Variants in GFPT2 observed in about 807,000 individuals in gnomAD.
The protein encoded by GFPT2 is glutamine--fructose-6-phosphate aminotransferase [isomerizing] 2.
A neutral mutation model predicts 85.6 loss-of-function variants in GFPT2; 62 were observed. The observed-to-expected ratio is 0.72, with a 90% confidence interval of 0.59 to 0.90. The LOEUF is 0.90. Among genes scored for constraint, GFPT2 ranks in the 40% least tolerant of loss-of-function variants. The pLI is 0.00. For missense variants in GFPT2, 788 were observed against 893.4 expected (o/e 0.88, Z 1.50); for synonymous variants, 368 against 344.5 (o/e 1.07, Z -0.75).
intron 2 of GFPT2, among the ~76,000 whole-genome samples, 199 bp downstream of exon 2, chr5:180,338,294 G>A (rs888611175): frequency 2.0e-5 from 3 of 152,004 alleles, no homozygotes; most frequent in African/African-American, 7.3e-5. Flanking sequence ...GTTTTCTGGG[G>A]TTTTTTACCC....
intron 10 of GFPT2, among the ~76,000 whole-genome samples, 168 bp from the exon 11 acceptor site, chr5:180,317,226 C>T (rs1277346302): frequency 6.6e-6 from 1 of 152,180 alleles, no homozygotes; most frequent in Non-Finnish European, 1.5e-5. Context: ...GGTCAGGAAC[C>T]AGGACTATCT....
intron 15 of GFPT2, 57 bp downstream of exon 15, chr5:180,312,373 T>C: frequency 1.1e-6 from 1 of 896,258 alleles, no homozygotes; most frequent in Non-Finnish European, 1.9e-6. Flanking sequence ...CAACAGAGAA[T>C]GGCCAGCAAC....
chr5:180,334,371 C>T (rs1162943083), intron 4 of GFPT2, among the ~76,000 whole-genome samples: 3 of 152,194 alleles, frequency 2.0e-5, no homozygotes, highest in African/African-American at 4.8e-5. Context: ...AGCACCACTG[C>T]ACTTTCTGTG....
chr5:180,330,499 A>G lies in GFPT2; in HGVS notation c.534+201T>C, dbSNP rs1764282730. Among the ~76,000 whole-genome samples the G allele has an allele frequency of 6.6e-6, 1 of 152,130 alleles. No individual in the cohort carries two copies. The highest frequency in any genetic ancestry group is 2.1e-4 in the South Asian group (1 of 4,818). On this transcript the variant is annotated intron_variant, in intron 6 of 18. Coordinates refer to ENST00000253778, the MANE Select transcript of GFPT2 (RefSeq NM_005110.4). This position sits in a 1 kb window ranked among gnomAD's most constrained non-coding sequence, Gnocchi z 4.4. ...TGATGTTGACTACCCAAACCACAGA[A>G]CGTCTTCCAGTTCTACAAGAGTGTA... is the stretch of plus-strand genomic sequence containing the variant.
chr5:180,324,440 T>C, intron 8 of GFPT2, 135 bp from the exon 9 acceptor site: 1 of 621,250 alleles, frequency 1.6e-6, no homozygotes, highest in Non-Finnish European at 2.9e-6. Context: ...GTCAGCCAAA[T>C]CGTGTAAAAG....
chr5:180,312,312 G>A (rs541909222), intron 15 of GFPT2, 118 bp downstream of exon 15: 15 of 673,330 alleles, frequency 2.2e-5, no homozygotes, highest in African/African-American at 2.0e-4. Context: ...GGGGAAGCTA[G>A]GAAGTTTTAG....
At chr5:180,350,804 C>A (rs574648132) in intron 1 of GFPT2, among the ~76,000 whole-genome samples, 1 of 152,194 alleles carries the variant, frequency 6.6e-6, no homozygotes, top group South Asian at 2.1e-4. Context: ...CAACTACTGC[C>A]GAGTCCTGGC....
chr5:180,335,812 G>A lies in GFPT2; in HGVS notation c.340+16C>T. 1 of 1,601,970 alleles carries A rather than the reference G, an allele frequency of 6.2e-7. No individual in the cohort carries two copies. The highest frequency in any genetic ancestry group is 1.8e-4 in the Middle Eastern group (1 of 5,614). On this transcript the variant is annotated intron_variant, in intron 4 of 18. Transcript: ENST00000253778. ...GGTGAGGTGGAACCATGGGGACGGG[G>A]AAGCATGCCACATACCGTTGCCTTT...
intron 10 of GFPT2, among the ~76,000 whole-genome samples, chr5:180,317,496 A>T (rs1404354321): frequency 6.9e-6 from 1 of 145,206 alleles, no homozygotes; most frequent in Non-Finnish European, 1.5e-5. Context: ...GCAGTGGCTC[A>T]CGCCTGTAAT....
chr5:180,317,340 G>A (rs990881604), intron 10 of GFPT2, among the ~76,000 whole-genome samples: 2 of 152,192 alleles, frequency 1.3e-5, no homozygotes, highest in African/African-American at 2.4e-5. Context: ...TGCTCCCTTA[G>A]CAAGGCCAAA....
At chr5:180,331,064 G>A in intron 5 of GFPT2, 6 of 551,728 alleles carry the variant, frequency 1.1e-5, no homozygotes, top group Non-Finnish European at 1.9e-5. Flanking sequence ...CACTAATCTG[G>A]ACATTGCAAA....
Position 180,335,828 on chromosome 5 carries a change from C to A in GFPT2, c.340G>T (p.Glu114Ter). 2.5e-6 allele frequency: 4 copies of A among 1,601,562 alleles called. No homozygotes were observed. The highest frequency in any genetic ancestry group is 3.4e-6 in the Non-Finnish European group (4 of 1,175,470). ...GGGGACGGGGAAGCATGCCACATAC[C>A]GTTGCCTTTGTCTGAGCGCTGAGGG... ...SHPQRSDKGN[E>*]FVVIHNGIIT... is the part of the protein sequence containing the mutation. Residue 114 changes from glutamate to a stop codon, truncating the protein, a stop_gained and splice_region_variant, in exon 4 of 19, where the codon GAA becomes TAA. Coordinates refer to ENST00000253778, the MANE Select transcript of GFPT2 (RefSeq NM_005110.4). LOFTEE classifies it high-confidence loss of function.
At chr5:180,313,204 G>A (rs1311273203) in intron 14 of GFPT2, among the ~76,000 whole-genome samples, 1 of 152,088 alleles carries the variant, frequency 6.6e-6, no homozygotes, top group African/African-American at 2.4e-5. Flanking sequence ...AGCCCTAAAG[G>A]ACTTTAAAAT....
chr5:180,316,475 G>A lies in GFPT2; in HGVS notation c.1153-14C>T, dbSNP rs780387788. On this transcript the variant is annotated splice_polypyrimidine_tract_variant and intron_variant, in intron 12 of 18. Coordinates refer to ENST00000253778, the MANE Select transcript of GFPT2 (RefSeq NM_005110.4). The stretch of plus-strand genomic sequence containing the variant: ...AACTTGCCGCGTCTGAAGCCAACAA[G>A]CAAGCATGGAGACTAAAGTCAGTCA... 6.2e-7 allele frequency: 1 copy of A among 1,613,876 alleles called. No homozygotes were observed. The highest frequency in any genetic ancestry group is 2.2e-5 in the East Asian group (1 of 44,896).
At chr5:180,324,395 T>C (rs1764174281) in intron 8 of GFPT2, 90 bp from the exon 9 acceptor site, 1 of 793,808 alleles carries the variant, frequency 1.3e-6, no homozygotes, top group African/African-American at 1.7e-5. Flanking sequence ...TCTGAATATG[T>C]GTGGGAGAAA....
At chr5:180,345,861 G>A (rs1469518931) in intron 1 of GFPT2, among the ~76,000 whole-genome samples, 1 of 152,144 alleles carries the variant, frequency 6.6e-6, no homozygotes, top group Non-Finnish European at 1.5e-5. Flanking sequence ...AGGACAAGAG[G>A]GACACAGAGG....
chr5:180,335,064 A>T (rs1033784098), intron 4 of GFPT2, among the ~76,000 whole-genome samples: 1 of 152,190 alleles, frequency 6.6e-6, no homozygotes, highest in Non-Finnish European at 1.5e-5. Flanking sequence ...CGAACAGGAG[A>T]GCCTGAAACC....
In GFPT2 at chr5:180,331,523, G is replaced by A. The variant is rs765001620; in HGVS notation, c.371C>T (p.Thr124Ile). 13 of 1,595,004 alleles carry A rather than the reference G, an allele frequency of 8.2e-6. 1 individual carries two copies. In the South Asian group the frequency reaches 1.3e-4, roughly 16 times the overall value. The change falls in exon 5 of 19, where the codon ACA becomes ATA. Residue 124 changes from threonine to isoleucine, a missense_variant. Transcript: ENST00000253778. ...EFVVIHNGII[T>I]NYKDLRKFLE... Reference sequence around the variant, plus strand: ...AAATTTCCTCAGATCTTTGTAATTTGTGATGATCCCATTGTGGATGACAAC... The same window carrying A: ...AAATTTCCTCAGATCTTTGTAATTTATGATGATCCCATTGTGGATGACAAC...
At chr5:180,320,510 C>T (rs987694881) in intron 9 of GFPT2, among the ~76,000 whole-genome samples, 10 of 152,116 alleles carry the variant, frequency 6.6e-5, no homozygotes, top group Admixed American at 1.3e-4. Flanking sequence ...CCCTGGCTCA[C>T]ACCTGTAATC....
Sources: gnomAD v4.1 joint callset for allele counts (sites outside exome capture counted in the v4.1 genomes callset) on GRCh38, gnomAD v4.1.1 for gene constraint, Gnocchi (gnomAD v3.1) non-coding constraint, MANE v1.5 for transcripts, NCBI Gene and HGNC (gene_info 2026-07-23, HGNC 2026-07-21) for gene names.